Variants in OSBPL8 observed in about 807,000 individuals in gnomAD.
OSBPL8 encodes oxysterol binding protein like 8, also known as oxysterol-binding protein-related protein 8.
Under a neutral mutation model 125.5 loss-of-function variants are expected in OSBPL8, and 59 were observed. The ratio of observed to expected loss-of-function variants is 0.47; its 90% CI spans 0.38 to 0.58. OSBPL8 has a LOEUF of 0.58. Among genes scored for constraint, OSBPL8 ranks in the 20% least tolerant of loss-of-function variants. OSBPL8 has a pLI of 0.00. For synonymous variants in OSBPL8, 330 were observed against 338.9 expected (o/e 0.97, Z 0.29); for missense variants, 758 against 1,047.8 (o/e 0.72, Z 3.82).
chr12:76,519,113 TTTAAG>T (rs1291283448), intron 1 of OSBPL8, among the ~76,000 whole-genome samples: 20 of 152,186 alleles, frequency 1.3e-4, no homozygotes, highest in Non-Finnish European at 2.9e-4. Flanking sequence ...AAGTTCCAAC[TTTAAG>T]TTATTTGTTT....
Position 76,410,578 on chromosome 12 carries a change from T to C in OSBPL8, c.274A>G (p.Met92Val), listed in dbSNP as rs745430475. 44 of 1,603,846 alleles carry C rather than the reference T, an allele frequency of 2.7e-5. No individual in the cohort carries two copies. The highest frequency in any genetic ancestry group is 3.6e-5 in the Non-Finnish European group (42 of 1,172,076). ...SQNKDESSLS[M>V]SKSKSESKLY... ...TATATGCTTACCTTGCTCTTTGACA[T>C]AGAAAGTGAAGATTCATCTTTATTT... Residue 92 changes from methionine (M) to valine (V), a missense_variant, in exon 5 of 24, where the codon ATG becomes GTG. By Grantham distance (21) the Met-to-Val change is conservative. Coordinates refer to ENST00000261183, the MANE Select transcript of OSBPL8 (RefSeq NM_020841.5).
chr12:76,440,500 C>T (rs1872059872), intron 4 of OSBPL8, among the ~76,000 whole-genome samples: 3 of 152,096 alleles, frequency 2.0e-5, no homozygotes, highest in Admixed American at 2.0e-4. Context: ...CTTCCAGGCA[C>T]TTGTGTATAC....
At chr12:76,518,458 T>C (rs1881763476) in intron 1 of OSBPL8, among the ~76,000 whole-genome samples, 1 of 152,160 alleles carries the variant, frequency 6.6e-6, no homozygotes, top group South Asian at 2.1e-4. Flanking sequence ...AAGCTAACAG[T>C]AGATCTACCA....
chr12:76,495,537 T>C (rs911431278), intron 1 of OSBPL8, among the ~76,000 whole-genome samples: 3 of 152,204 alleles, frequency 2.0e-5, no homozygotes, highest in Admixed American at 6.5e-5. Context: ...CATTTTAAAA[T>C]ACAGAACTAT....
rs536559631 is a variant in OSBPL8, at chr12:76,418,426, T to C, written c.218-7792A>G. Reference sequence around the variant, plus strand: ...AAGCCAAATTCCTTCCAAATGGTCATTAAGTAGCTAAGTGAGGATTAGAAA... The same window carrying C: ...AAGCCAAATTCCTTCCAAATGGTCACTAAGTAGCTAAGTGAGGATTAGAAA... On this transcript the variant is annotated intron_variant, in intron 4 of 23. Coordinates refer to ENST00000261183, the MANE Select transcript of OSBPL8 (RefSeq NM_020841.5). 1.1e-3 allele frequency among the ~76,000 whole-genome samples: 166 copies of C among 152,346 alleles called. 1 individual carries two copies. The South Asian group carries it at 0.019, about 17-fold the overall frequency.
At position 76,354,701 on chromosome 12, in the gene OSBPL8, T is replaced by C. The variant is rs987229438; in HGVS notation, c.*1188A>G. 3 of 151,930 alleles carry C rather than the reference T, an allele frequency of 2.0e-5. No homozygotes were observed. The highest frequency in any genetic ancestry group is 7.2e-5 in the African/African-American group (3 of 41,420). The allele number at this position is 151,930 out of a possible 1,614,324, so 9.4% of individuals were successfully genotyped here. A position where few individuals can be genotyped will look rare whatever the true frequency, so the allele number is the denominator to read the frequency against. ...AAACTGAAGAAACAAACAAAAAAAT[T>C]TGCCTTAGCCTGAACAATAGGAATC... On this transcript the variant is annotated 3_prime_UTR_variant, in exon 24 of 24. Coordinates refer to ENST00000261183, the MANE Select transcript of OSBPL8 (RefSeq NM_020841.5).
chr12:76,485,933 TA>T (rs141006437), intron 2 of OSBPL8: 39,431 of 322,450 alleles, frequency 0.12, 3,284 homozygotes, highest in East Asian at 0.36. Flanking sequence ...CCATTAGATA[TA>T]AAAAAAGGTA....
chr12:76,402,778 C>G lies in OSBPL8; in HGVS notation c.289-12G>C. 1 of 1,536,020 alleles carries G rather than the reference C, an allele frequency of 6.5e-7. No individual in the cohort carries two copies. The highest frequency in any genetic ancestry group is 1.7e-5 in the Admixed American group (1 of 57,162). ...AGTTTAGATTCAGACTGAAATCATACAGAAACAAGAGAAATTAAATCCTTC... is the reference window on the plus strand; with the variant it reads ...AGTTTAGATTCAGACTGAAATCATAGAGAAACAAGAGAAATTAAATCCTTC... On this transcript the variant is annotated splice_polypyrimidine_tract_variant and intron_variant, in intron 5 of 23. Coordinates refer to ENST00000261183, the MANE Select transcript of OSBPL8 (RefSeq NM_020841.5).
At chr12:76,400,039 A>C in intron 6 of OSBPL8, 65 bp from the exon 7 acceptor site, 4 of 1,249,280 alleles carry the variant, frequency 3.2e-6, no homozygotes, top group Non-Finnish European at 4.4e-6. Flanking sequence ...TTTTAAGTTC[A>C]GGGGTACAAA....
chr12:76,536,826 A>AAC (rs1342448267), intron 1 of OSBPL8, among the ~76,000 whole-genome samples: 1 of 151,824 alleles, frequency 6.6e-6, no homozygotes, highest in African/African-American at 2.4e-5. Context: ...CAAAAAAAAA[A>AAC]AAAAAAAAAC....
chr12:76,411,205 G>A (rs1199083641), intron 4 of OSBPL8, among the ~76,000 whole-genome samples: 1 of 152,098 alleles, frequency 6.6e-6, no homozygotes, highest in Non-Finnish European at 1.5e-5. Context: ...TTAAATACAA[G>A]AGTGCAGTGA....
At chr12:76,520,707 T>C (rs916722390) in intron 1 of OSBPL8, among the ~76,000 whole-genome samples, 2 of 151,940 alleles carry the variant, frequency 1.3e-5, no homozygotes, top group East Asian at 3.9e-4. Context: ...ATGTGTTCCA[T>C]CAGAGATAAT....
At chr12:76,435,155 C>CGTGTGTGTGTGT (rs71082308) in intron 4 of OSBPL8, among the ~76,000 whole-genome samples, 249 of 146,550 alleles carry the variant, frequency 1.7e-3, no homozygotes, top group African/African-American at 6.0e-3. Flanking sequence ...TATATATCTA[C>CGTGTGTGTGTGT]GTGTGTGTGT....
At chr12:76,424,785 C>T (rs1869947468) in intron 4 of OSBPL8, among the ~76,000 whole-genome samples, 2 of 152,004 alleles carry the variant, frequency 1.3e-5, no homozygotes, top group Admixed American at 1.3e-4. Context: ...AGATACTGAA[C>T]AAATGCGTTC....
intron 1 of OSBPL8, among the ~76,000 whole-genome samples, chr12:76,542,998 G>A (rs576494440): frequency 6.6e-6 from 1 of 152,090 alleles, no homozygotes; most frequent in Admixed American, 6.5e-5. Context: ...CACCTTCTTT[G>A]GCTCCCCTCC....
intron 3 of OSBPL8, among the ~76,000 whole-genome samples, chr12:76,458,318 A>G (rs1390714034): frequency 5.9e-5 from 9 of 151,900 alleles, no homozygotes; most frequent in Admixed American, 4.6e-4. Flanking sequence ...TCTTTTTTCT[A>G]TTTTTAAGAT....
chr12:76,362,741 T>A (rs1271192511), intron 21 of OSBPL8, among the ~76,000 whole-genome samples: 1 of 152,198 alleles, frequency 6.6e-6, no homozygotes, highest in African/African-American at 2.4e-5. Flanking sequence ...GAAGTCAAAT[T>A]GTCTCTGTTT....
chr12:76,353,298 GT>G lies in OSBPL8; in HGVS notation c.*2590del. ...CATTTCACATGCCCTATTTATTGTTGTTGTTTTTTTTTTTTTTTTACATGTC... is the reference window on the plus strand; with the variant it reads ...CATTTCACATGCCCTATTTATTGTTGTGTTTTTTTTTTTTTTTTACATGTC... On this transcript the variant is annotated 3_prime_UTR_variant, in exon 24 of 24. Coordinates refer to ENST00000261183, the MANE Select transcript of OSBPL8 (RefSeq NM_020841.5). The G allele has an allele frequency of 1.2e-5, 1 of 80,112 alleles. No homozygotes were observed. The highest frequency in any genetic ancestry group is 8.6e-4 in the East Asian group (1 of 1,164). 5.0% of individuals were successfully genotyped at this position (80,112 alleles called of 1,614,324 possible). A position where few individuals can be genotyped will look rare whatever the true frequency, so the allele number is the denominator to read the frequency against.
At position 76,370,830 on chromosome 12, in the gene OSBPL8, C is replaced by T. The variant is rs563101485; in HGVS notation, c.2054+618G>A. On this transcript the variant is annotated intron_variant, in intron 19 of 23. Transcript: ENST00000261183. Reference sequence around the variant, plus strand: ...GGAGGACAAAGTTGCATAATAAGTACTAAGTGCCTAGCAAAATATCTCTTA... The same window carrying T: ...GGAGGACAAAGTTGCATAATAAGTATTAAGTGCCTAGCAAAATATCTCTTA... Among the ~76,000 whole-genome samples the T allele has an allele frequency of 2.6e-5, 4 of 152,274 alleles. No homozygotes were observed. In the South Asian group the frequency reaches 8.3e-4, roughly 32 times the overall value.
Sources: allele counts gnomAD v4.1 joint callset (sites outside exome capture counted in the v4.1 genomes callset), GRCh38; gene constraint gnomAD v4.1.1; transcripts MANE v1.5; gene names NCBI Gene and HGNC (gene_info 2026-07-23, HGNC 2026-07-21).